GBE1: variants seen among roughly 807,000 people sequenced by gnomAD.
GBE1 encodes the protein 1,4-alpha-glucan-branching enzyme.
GBE1 carries 70 observed loss-of-function variants against 88.8 expected under a neutral mutation model. The observed-to-expected ratio is 0.79, with a 90% CI of 0.65 to 0.96. The LOEUF is 0.96. Ranked by LOEUF, GBE1 falls within the 40% of genes least tolerant of loss-of-function variation. GBE1 has a pLI of 0.00. For synonymous variants in GBE1, 284 were observed against 300.1 expected (o/e 0.95, Z 0.56); for missense variants, 872 against 871.0 (o/e 1.00, Z -0.01).
intron 12 of GBE1, among the ~76,000 whole-genome samples, chr3:81,564,573 G>A (rs1336881097): frequency 6.6e-6 from 1 of 152,084 alleles, no homozygotes; most frequent in East Asian, 1.9e-4. Context: ...TCTGTATTCA[G>A]TTTGGTAAAT....
At chr3:81,730,634 G>A (rs189948653) in intron 1 of GBE1, among the ~76,000 whole-genome samples, 130 of 152,314 alleles carry the variant, frequency 8.5e-4, no homozygotes, top group Admixed American at 5.9e-4. Context: ...ACAGAAGCCA[G>A]GAGGACTGCT....
rs373545273 is a variant in GBE1, at chr3:81,614,727, C to T, written c.993-20704G>A. 3.9e-5 allele frequency among the ~76,000 whole-genome samples: 6 copies of T among 152,172 alleles called. No individual in the cohort carries two copies. In the East Asian group the frequency reaches 7.8e-4, roughly 20 times the overall value. On this transcript the variant is annotated intron_variant, in intron 7 of 15. Coordinates refer to ENST00000429644, the MANE Select transcript of GBE1 (RefSeq NM_000158.4). ...ACAAAAAATTAGCTGGGCATGGTGG[C>T]ACGTGCCTGTAATCCCAGCTACTCA...
At chr3:81,659,639 C>T (rs1340955696) in intron 3 of GBE1, among the ~76,000 whole-genome samples, 1 of 151,468 alleles carries the variant, frequency 6.6e-6, no homozygotes, top group East Asian at 1.9e-4. Context: ...TGAGCCACCG[C>T]ACCCGGCCCC....
intron 7 of GBE1, among the ~76,000 whole-genome samples, chr3:81,605,031 T>A (rs1704086046): frequency 6.6e-6 from 1 of 152,104 alleles, no homozygotes. Flanking sequence ...CAGCCTCTAG[T>A]GAGAGTAAGC....
chr3:81,743,749 T>C, intron 1 of GBE1: 2 of 617,862 alleles, frequency 3.2e-6, no homozygotes, highest in South Asian at 2.3e-5. Flanking sequence ...GTGTTGTTTG[T>C]GTTTTTGCTT....
intron 7 of GBE1, among the ~76,000 whole-genome samples, chr3:81,609,983 TTAA>T (rs527601780): frequency 5.1e-4 from 77 of 152,242 alleles, no homozygotes; most frequent in African/African-American, 1.7e-3. Context: ...AAAAAGGTAT[TTAA>T]AATCAATAAA....
intron 1 of GBE1, among the ~76,000 whole-genome samples, chr3:81,716,324 T>C (rs1380283773): frequency 1.3e-5 from 2 of 152,176 alleles, no homozygotes; most frequent in African/African-American, 2.4e-5. Context: ...AAGTATGAGG[T>C]AAATTCAAAA....
chr3:81,691,949 G>T (rs547386568), intron 2 of GBE1, among the ~76,000 whole-genome samples: 2 of 152,236 alleles, frequency 1.3e-5, no homozygotes, highest in South Asian at 4.1e-4. Context: ...TTGACGGACA[G>T]GAGCCAAGGG....
intron 7 of GBE1, among the ~76,000 whole-genome samples, chr3:81,627,428 G>A (rs1576175516): frequency 6.6e-6 from 1 of 152,230 alleles, no homozygotes; most frequent in East Asian, 1.9e-4. Flanking sequence ...AGCAAACTAT[G>A]ATAATAATGC....
chr3:81,494,254 T>C (rs1304830009), intron 15 of GBE1, among the ~76,000 whole-genome samples: 1 of 152,152 alleles, frequency 6.6e-6, no homozygotes, highest in Non-Finnish European at 1.5e-5. Context: ...TCAATTTTCT[T>C]AGTGGTTAGA....
chr3:81,512,647 A>G (rs1335023067), intron 14 of GBE1, among the ~76,000 whole-genome samples: 1 of 151,894 alleles, frequency 6.6e-6, no homozygotes, highest in East Asian at 1.9e-4. Context: ...TAGAGAAACT[A>G]GATTTAAATC....
chr3:81,761,485 G>C lies in GBE1; in HGVS notation c.33C>G (p.Pro11=), dbSNP rs773585404. The C allele has an allele frequency of 6.2e-7, 1 of 1,611,364 alleles. No individual in the cohort carries two copies. Among genetic ancestry groups the C allele is most frequent in the African/African-American group, 1.3e-5 (1 of 75,018 alleles). MAAPMTPAAR[P]EDYEAALNAA... ...CATTGAGCGCCGCCTCGTAGTCCTC[G>C]GGCCGAGCCGCGGGAGTCATCGGAG... The change falls in exon 1 of 16, where the codon CCC becomes CCG. Residue 11 remains proline, a synonymous_variant. Coordinates refer to ENST00000429644, the MANE Select transcript of GBE1 (RefSeq NM_000158.4).
intron 12 of GBE1, among the ~76,000 whole-genome samples, chr3:81,558,397 T>C (rs1703376290): frequency 6.6e-6 from 1 of 152,048 alleles, no homozygotes; most frequent in African/African-American, 2.4e-5. Flanking sequence ...ATCAAATATA[T>C]ATCATCTATC....
chr3:81,646,956 C>CG (rs1704773551), intron 5 of GBE1, among the ~76,000 whole-genome samples: 1 of 132,440 alleles, frequency 7.6e-6, no homozygotes, highest in African/African-American at 2.9e-5. Context: ...CATAAGGTAG[C>CG]TTTTTTTTTT....
intron 14 of GBE1, among the ~76,000 whole-genome samples, chr3:81,524,098 T>G (rs1295528764): frequency 6.6e-6 from 1 of 151,876 alleles, no homozygotes; most frequent in East Asian, 1.9e-4. Context: ...CTGGCTGTAC[T>G]GATTGACAAC....
At chr3:81,551,379 A>G (rs1279321915) in intron 12 of GBE1, among the ~76,000 whole-genome samples, 1 of 152,156 alleles carries the variant, frequency 6.6e-6, no homozygotes, top group Non-Finnish European at 1.5e-5. Flanking sequence ...TGTAAAAGTT[A>G]AAGAAAGTAG....
chr3:81,541,453 C>G (rs1003495900), intron 12 of GBE1, among the ~76,000 whole-genome samples: 28 of 150,884 alleles, frequency 1.9e-4, no homozygotes, highest in African/African-American at 6.1e-4. Context: ...GCAAGTTGCC[C>G]CCCCCGCCAC....
At chr3:81,662,352 C>G (rs975971038) in intron 3 of GBE1, among the ~76,000 whole-genome samples, 2 of 152,064 alleles carry the variant, frequency 1.3e-5, no homozygotes, top group African/African-American at 2.4e-5. Context: ...TTTTATTATT[C>G]TCAAATAATA....
intron 1 of GBE1, among the ~76,000 whole-genome samples, chr3:81,761,149 A>G (rs546539089): frequency 1.3e-5 from 2 of 152,348 alleles, no homozygotes; most frequent in Non-Finnish European, 2.9e-5. Flanking sequence ...GGGGATGAGG[A>G]AAGAAGTTTC....
Sources: allele counts gnomAD v4.1 joint callset (sites outside exome capture counted in the v4.1 genomes callset), GRCh38; gene constraint gnomAD v4.1.1; transcripts MANE v1.5; gene names NCBI Gene and HGNC (gene_info 2026-07-23, HGNC 2026-07-21).